Variants in CCDC57 observed in about 807,000 individuals in gnomAD.
The protein encoded by CCDC57 is coiled-coil domain-containing protein 57.
CCDC57 carries 118 observed loss-of-function variants against 118.9 expected under a neutral mutation model. That is an observed-to-expected ratio of 0.99 (90% CI 0.86 to 1.16). The LOEUF is 1.16. CCDC57 is among the 50% of genes most tolerant of loss of function. The pLI, the probability that CCDC57 is intolerant of heterozygous loss-of-function variation, is 0.00. For synonymous variants in CCDC57, 527 were observed against 532.9 expected, an observed-to-expected ratio of 0.99 and a Z score of 0.15; for missense variants, 1,300 against 1,320.7, an observed-to-expected ratio of 0.98 and a Z score of 0.24.
chr17:82,152,718 G>A (rs576104403), intron 15 of CCDC57, among the ~76,000 whole-genome samples: 148 of 152,360 alleles, frequency 9.7e-4, no homozygotes, highest in Middle Eastern at 3.4e-3. Context: ...CTGGCCACAT[G>A]AGCTCCGAGT....
intron 16 of CCDC57, among the ~76,000 whole-genome samples, chr17:82,140,536 T>A (rs1036123284): frequency 4.6e-5 from 7 of 152,192 alleles, no homozygotes; most frequent in Non-Finnish European, 5.9e-5. Context: ...TATCTTACTC[T>A]CCCGGCCTGA....
intron 16 of CCDC57, among the ~76,000 whole-genome samples, chr17:82,140,970 G>A (rs1228404030): frequency 2.6e-5 from 3 of 116,940 alleles, no homozygotes; most frequent in African/African-American, 8.5e-5. Context: ...CAAGCAAGAG[G>A]CTTTTATTTA....
chr17:82,201,577 G>A (rs754169958), exon 3 of CCDC57: 3 of 1,611,828 alleles, frequency 1.9e-6, no homozygotes, highest in East Asian at 4.5e-5. Flanking sequence ...CTCCTGGAAT[G>A]CCAGCTGCTG....
intron 16 of CCDC57, among the ~76,000 whole-genome samples, chr17:82,143,108 G>A (rs879513018): frequency 4.6e-5 from 7 of 151,168 alleles, no homozygotes; most frequent in African/African-American, 7.3e-5. Flanking sequence ...GTTGTAGATC[G>A]CGCCATTGCA....
At position 82,179,115 on chromosome 17, in the gene CCDC57, T is replaced by TC; in HGVS notation, c.1285dup (p.Asp429GlyfsTer7). Reference sequence around the variant, plus strand: ...AATGTCATCACAGCGGCGCTGCCAGTCCAGGCCCAGCTGCACCTGATCACG... The same window carrying TC: ...AATGTCATCACAGCGGCGCTGCCAGTCCCAGGCCCAGCTGCACCTGATCACG... On this transcript the variant is annotated frameshift_variant, in exon 10 of 20. Transcript: ENST00000665763. LOFTEE classifies it high-confidence loss of function. 1 of 1,613,942 alleles carries TC rather than the reference T, an allele frequency of 6.2e-7. No individual in the cohort carries two copies. Among genetic ancestry groups the TC allele is most frequent in the Non-Finnish European group, 8.5e-7 (1 of 1,179,878 alleles).
chr17:82,196,373 A>C (rs1441075503), intron 4 of CCDC57, among the ~76,000 whole-genome samples: 8 of 152,222 alleles, frequency 5.3e-5, no homozygotes, highest in Non-Finnish European at 1.2e-4. Flanking sequence ...GGTTTCTGAG[A>C]ATTCCAAGAG....
chr17:82,174,358 A>G (rs768254878), intron 11 of CCDC57, among the ~76,000 whole-genome samples: 1 of 152,242 alleles, frequency 6.6e-6, no homozygotes, highest in Admixed American at 6.5e-5. Flanking sequence ...AGACAGTGCG[A>G]TGCCTAACCC....
intron 14 of CCDC57, among the ~76,000 whole-genome samples, chr17:82,158,426 G>T (rs1005332276): frequency 6.6e-6 from 1 of 152,166 alleles, no homozygotes; most frequent in Non-Finnish European, 1.5e-5. Flanking sequence ...GGTGGCTCAC[G>T]CCTATAATCC....
intron 16 of CCDC57, among the ~76,000 whole-genome samples, chr17:82,143,541 A>G (rs559371504): frequency 1.3e-5 from 2 of 152,136 alleles, no homozygotes; most frequent in South Asian, 2.1e-4. Flanking sequence ...CCCCACACGC[A>G]CACACACGTG....
chr17:82,179,143 C>G (rs1342575533), exon 10 of CCDC57: 1 of 1,614,006 alleles, frequency 6.2e-7, no homozygotes, highest in Admixed American at 1.7e-5. Context: ...TGATCACGCT[C>G]CAGGCTCCGC....
At chr17:82,117,743 C>A (rs200489703) in intron 19 of CCDC57, among the ~76,000 whole-genome samples, 5 of 151,126 alleles carry the variant, frequency 3.3e-5, no homozygotes, top group Non-Finnish European at 7.4e-5. Context: ...TCAGATTGGC[C>A]AACAAACAAA....
intron 17 of CCDC57, among the ~76,000 whole-genome samples, chr17:82,129,272 G>A (rs770368580): frequency 6.6e-6 from 1 of 152,090 alleles, no homozygotes; most frequent in Admixed American, 6.6e-5. Context: ...CATGCCTGAT[G>A]TCTCCCCCCT....
chr17:82,178,931 T>C (rs906147962), intron 10 of CCDC57, 96 bp downstream of exon 9: 88 of 1,385,488 alleles, frequency 6.4e-5, no homozygotes, highest in Non-Finnish European at 1.7e-5. Flanking sequence ...TGTTTTCAAA[T>C]TTAAAGAACC....
chr17:82,109,311 G>A (rs961414863), intron 19 of CCDC57, among the ~76,000 whole-genome samples: 8 of 152,356 alleles, frequency 5.3e-5, no homozygotes, highest in African/African-American at 9.6e-5. Context: ...CCTACGAGGC[G>A]GCTGCGAGGC....
In CCDC57 at chr17:82,211,700, C is replaced by G. The variant is rs1249222475; in HGVS notation, c.-211+1085G>C. On this transcript the variant is annotated intron_variant, in intron 1 of 19. Coordinates refer to ENST00000665763, the Ensembl canonical transcript of CCDC57. ...CTCTCTCTTAGCTGAGAGGGCCGGA[C>G]AGACACCATTTTGGTTTCTTCGCTT... is the stretch of plus-strand genomic sequence containing the variant. Among the ~76,000 whole-genome samples, 4 of 152,146 alleles carry G rather than the reference C, an allele frequency of 2.6e-5. No homozygotes were observed. The South Asian group carries it at 6.2e-4, about 24-fold the overall frequency.
intron 19 of CCDC57, among the ~76,000 whole-genome samples, chr17:82,121,892 G>A (rs1453268371): frequency 6.6e-6 from 1 of 152,204 alleles, no homozygotes; most frequent in African/African-American, 2.4e-5. Flanking sequence ...ATCCTGTCCT[G>A]TGACTTGTAG....
intron 1 of CCDC57, among the ~76,000 whole-genome samples, chr17:82,210,749 C>T (rs1048750649): frequency 6.7e-5 from 10 of 149,850 alleles, no homozygotes; most frequent in Non-Finnish European, 1.5e-4. Context: ...AATCCTAGCA[C>T]TTTGGGAGGC....
intron 13 of CCDC57, among the ~76,000 whole-genome samples, chr17:82,165,947 T>C (rs149269215): frequency 2.0e-5 from 3 of 152,176 alleles, no homozygotes; most frequent in East Asian, 3.9e-4. Flanking sequence ...AGAATTAACA[T>C]AGATTTAATA....
chr17:82,182,470 C>T (rs2046329205), intron 9 of CCDC57, among the ~76,000 whole-genome samples: 1 of 151,666 alleles, frequency 6.6e-6, no homozygotes, highest in Non-Finnish European at 1.5e-5. Context: ...TCTCCTGCCT[C>T]AGCCCCCCGA....
Sources: allele counts gnomAD v4.1 joint callset (sites outside exome capture counted in the v4.1 genomes callset), GRCh38; gene constraint gnomAD v4.1.1; transcripts MANE v1.5; gene names NCBI Gene and HGNC (gene_info 2026-07-23, HGNC 2026-07-21).